Variants in PLD5 observed in about 807,000 individuals in gnomAD.
PLD5 encodes phospholipase D family member 5.
PLD5 carries 36 observed loss-of-function variants against 61.1 expected under a neutral mutation model. The observed-to-expected ratio is 0.59, with a 90% CI of 0.45 to 0.78. The LOEUF is 0.78. Among genes scored for constraint, PLD5 ranks in the 30% least tolerant of loss-of-function variants. The pLI is 0.00. For missense variants in PLD5, 515 were observed against 644.4 expected (o/e 0.80, Z 2.17); for synonymous variants, 243 against 242.8 (o/e 1.00, Z -0.01).
intron 1 of PLD5, among the ~76,000 whole-genome samples, chr1:242,490,552 G>A (rs1013960249): frequency 6.6e-6 from 1 of 152,050 alleles, no homozygotes; most frequent in Non-Finnish European, 1.5e-5. Context: ...TCTCTTCACT[G>A]AATGTCTAGG....
chr1:242,449,780 C>T (rs889815810), intron 1 of PLD5, among the ~76,000 whole-genome samples: 1 of 152,208 alleles, frequency 6.6e-6, no homozygotes, highest in African/African-American at 2.4e-5. Flanking sequence ...GTCCACACAC[C>T]TCCAACCTGA....
intron 4 of PLD5, among the ~76,000 whole-genome samples, chr1:242,259,947 G>C (rs756173515): frequency 1.3e-5 from 2 of 152,134 alleles, no homozygotes; most frequent in Non-Finnish European, 2.9e-5. Context: ...TAAAAATTGT[G>C]TTAGTAATAT....
In PLD5 at chr1:242,224,349, CT is replaced by C. The variant is rs60403298; in HGVS notation, c.608-4235del. Among the ~76,000 whole-genome samples, 895 of 151,654 alleles carry C rather than the reference CT, an allele frequency of 5.9e-3. 11 individuals carry two copies. Among genetic ancestry groups the C allele is most frequent in the African/African-American group, 0.02 (835 of 41,384 alleles). The stretch of plus-strand genomic sequence containing the variant: ...TTCTACTTCTAAAATAATTTTAGGC[CT>C]TTTTTTTACAATGTCACATATTTTT... On this transcript the variant is annotated intron_variant, in intron 4 of 9. Coordinates refer to ENST00000536534, the MANE Select transcript of PLD5 (RefSeq NM_001372062.1).
At chr1:242,240,260 T>G (rs1234009583) in intron 4 of PLD5, among the ~76,000 whole-genome samples, 2 of 152,218 alleles carry the variant, frequency 1.3e-5, no homozygotes, top group Non-Finnish European at 2.9e-5. Context: ...GATCTTCTCT[T>G]GGCATAGAGT....
intron 1 of PLD5, among the ~76,000 whole-genome samples, chr1:242,404,214 A>G (rs1406432460): frequency 6.6e-6 from 1 of 152,212 alleles, no homozygotes; most frequent in African/African-American, 2.4e-5. Flanking sequence ...TGAAAGAATA[A>G]AACAGGGGGA....
At position 242,194,664 on chromosome 1, in the gene PLD5, A is replaced by ATCTATCTG. The variant is rs1558329022; in HGVS notation, c.735+25323_735+25324insCAGATAGA. Among the ~76,000 whole-genome samples, 339 of 150,666 alleles carry ATCTATCTG rather than the reference A, an allele frequency of 2.3e-3. 6 individuals carry two copies. The highest frequency in any genetic ancestry group is 7.9e-3 in the African/African-American group (321 of 40,802). ...TATCTATCTATCTATCTATCTATCT[A>ATCTATCTG]TCTACCTATCTATGATAGAATACTA... is the stretch of plus-strand genomic sequence containing the variant. On this transcript the variant is annotated intron_variant, in intron 5 of 9. Coordinates refer to ENST00000536534, the MANE Select transcript of PLD5 (RefSeq NM_001372062.1).
chr1:242,100,193 A>T (rs1660576709), intron 9 of PLD5, among the ~76,000 whole-genome samples: 1 of 152,228 alleles, frequency 6.6e-6, no homozygotes, highest in African/African-American at 2.4e-5. Context: ...AGCTCAAGTT[A>T]AATTGTACAG....
At chr1:242,476,012 C>G (rs1315184452) in intron 1 of PLD5, among the ~76,000 whole-genome samples, 1 of 152,154 alleles carries the variant, frequency 6.6e-6, no homozygotes, top group Non-Finnish European at 1.5e-5. Flanking sequence ...TTTAAGCCAC[C>G]CAGTTGGTGG....
At chr1:242,491,864 A>G (rs1668163858) in intron 1 of PLD5, among the ~76,000 whole-genome samples, 1 of 152,206 alleles carries the variant, frequency 6.6e-6, no homozygotes, top group African/African-American at 2.4e-5. Context: ...TATTCTTAAC[A>G]TTTGGCTCAT....
rs573914173 is a variant in PLD5 at position 242,153,199 on chromosome 1, G to GT, written c.736-28535dup. Among the ~76,000 whole-genome samples, 67 of 149,326 alleles carry GT rather than the reference G, an allele frequency of 4.5e-4. 1 individual carries two copies. Among genetic ancestry groups the GT allele is most frequent in the Middle Eastern group, 3.4e-3 (1 of 294 alleles). The stretch of plus-strand genomic sequence containing the variant: ...CATATCCTTTGTCTACTTTTTGATG[G>GT]TTTTTTTTTCTTGTAAATTTGTGGA... On this transcript the variant is annotated intron_variant, in intron 5 of 9. Coordinates refer to ENST00000536534, the MANE Select transcript of PLD5 (RefSeq NM_001372062.1).
chr1:242,241,709 G>T (rs563970914), intron 4 of PLD5, among the ~76,000 whole-genome samples: 3 of 151,450 alleles, frequency 2.0e-5, no homozygotes, highest in African/African-American at 7.3e-5. Context: ...TGAGGTACAG[G>T]CTTCTCCATC....
intron 1 of PLD5, chr1:242,365,246 T>A (rs886361235): frequency 2.6e-5 from 4 of 152,412 alleles, no homozygotes; most frequent in African/African-American, 9.7e-5. Context: ...AGGCCCTGCA[T>A]GGGGACGAGT....
chr1:242,306,540 A>C (rs1676356761), intron 2 of PLD5, among the ~76,000 whole-genome samples: 1 of 26,062 alleles, frequency 3.8e-5, no homozygotes, highest in African/African-American at 1.2e-4. Flanking sequence ...CTAACCAGTG[A>C]TATATATATT....
At position 242,124,468 on chromosome 1, in the gene PLD5, C is replaced by T. The variant is rs1344302255; in HGVS notation, c.933G>A (p.Ser311=). ...GGAGGAGAAAGGGAAAACAACTCACCGATACAAATGCTTGAGATTTGGTTT... is the reference window on the plus strand; with the variant it reads ...GGAGGAGAAAGGGAAAACAACTCACTGATACAAATGCTTGAGATTTGGTTT... ...LNETKSQAFV[S]NSPKLFCPKN... is the part of the protein sequence containing the mutation. Residue 311 remains serine (S), a splice_region_variant and synonymous_variant, in exon 6 of 10, where the codon TCG becomes TCA. Transcript: ENST00000536534. 17 of 1,612,628 alleles carry T rather than the reference C, an allele frequency of 1.1e-5. No individual in the cohort carries two copies. The highest frequency in any genetic ancestry group is 2.7e-5 in the African/African-American group (2 of 74,830).
intron 5 of PLD5, among the ~76,000 whole-genome samples, chr1:242,170,905 T>C (rs1039025410): frequency 1.2e-4 from 18 of 152,100 alleles, no homozygotes; most frequent in Non-Finnish European, 2.5e-4. Context: ...AAAGACCAAA[T>C]CTACACTTGA....
At position 242,084,184 on chromosome 1, in the gene PLD5, TAAAA is replaced by T. The variant is rs1303460644; in HGVS notation, c.*5666_*5669del. 6.6e-6 allele frequency: 1 copy of T among 151,490 alleles called. No individual in the cohort carries two copies. Among genetic ancestry groups the T allele is most frequent in the Non-Finnish European group, 1.5e-5 (1 of 67,884 alleles). The allele number at this position is 151,490 out of a possible 1,614,324, so 9.4% of individuals were successfully genotyped here. A position where few individuals can be genotyped will look rare whatever the true frequency, so the allele number is the denominator to read the frequency against. On this transcript the variant is annotated 3_prime_UTR_variant, in exon 10 of 10. Coordinates refer to ENST00000536534, the MANE Select transcript of PLD5 (RefSeq NM_001372062.1). ...TCATCGCACTGTTAGCCCATTTTTT[TAAAA>T]AAAAACACGAAATTGTAGCATTCAG... is the stretch of plus-strand genomic sequence containing the variant.
At chr1:242,387,630 T>C (rs12760439) in intron 1 of PLD5, among the ~76,000 whole-genome samples, 3,053 of 54,392 alleles carry the variant, frequency 0.056, 321 homozygotes, top group East Asian at 0.14. Flanking sequence ...ATTTTATCTA[T>C]TTTATATAAA....
At chr1:242,286,038 G>A (rs141722962) in intron 3 of PLD5, among the ~76,000 whole-genome samples, 1 of 152,004 alleles carries the variant, frequency 6.6e-6, no homozygotes, top group Admixed American at 6.6e-5. Flanking sequence ...GAACCCAGGA[G>A]GTGGAGGTTG....
At chr1:242,520,740 C>T (rs762491477) in intron 1 of PLD5, among the ~76,000 whole-genome samples, 2 of 152,154 alleles carry the variant, frequency 1.3e-5, no homozygotes, top group African/African-American at 2.4e-5. Flanking sequence ...GCCAGCCTAA[C>T]GCCATGTTAT....
Sources: allele counts gnomAD v4.1 joint callset (sites outside exome capture counted in the v4.1 genomes callset), GRCh38; gene constraint gnomAD v4.1.1; transcripts MANE v1.5; gene names NCBI Gene and HGNC (gene_info 2026-07-23, HGNC 2026-07-21).